Variants in EXOC4 observed in about 807,000 individuals in gnomAD.
EXOC4 encodes the protein SEC8-like 1.
Under a neutral mutation model 107.2 loss-of-function variants are expected in EXOC4, and 71 were observed. The ratio of observed to expected loss-of-function variants is 0.66; its 90% CI spans 0.55 to 0.81. The LOEUF (loss-of-function observed/expected upper bound fraction) is 0.81. EXOC4 is among the 30% of genes least tolerant of loss of function. EXOC4 has a pLI of 0.00. For synonymous variants in EXOC4, 456 were observed against 441.2 expected, an observed-to-expected ratio of 1.03 and a Z score of -0.42; for missense variants, 1,108 against 1,189.6, an observed-to-expected ratio of 0.93 and a Z score of 1.01.
At chr7:133,629,316 A>G (rs749849855) in intron 9 of EXOC4, among the ~76,000 whole-genome samples, 57 of 152,106 alleles carry the variant, frequency 3.7e-4, no homozygotes, top group Non-Finnish European at 6.6e-4. Context: ...CTCTGCTCCA[A>G]TCTTTACACA....
intron 10 of EXOC4, among the ~76,000 whole-genome samples, chr7:133,685,358 A>T (rs1371154604): frequency 2.0e-5 from 3 of 152,094 alleles, no homozygotes; most frequent in South Asian, 2.1e-4. Context: ...CTCGGCACTT[A>T]TCCTTCCTGA....
At chr7:133,650,946 T>G (rs1483558748) in intron 10 of EXOC4, among the ~76,000 whole-genome samples, 2 of 74,614 alleles carry the variant, frequency 2.7e-5, no homozygotes, top group African/African-American at 9.1e-5. Context: ...AGTTTTTTTT[T>G]TTTTTTTTTT....
At chr7:133,941,874 T>C (rs1800439718) in intron 14 of EXOC4, among the ~76,000 whole-genome samples, 1 of 140,150 alleles carries the variant, frequency 7.1e-6, no homozygotes, top group African/African-American at 2.6e-5. Flanking sequence ...CTACATGTTT[T>C]CCTGCATTCA....
the EXOC4 span, among the ~76,000 whole-genome samples, chr7:134,074,516 G>A: frequency 3.3e-5 from 5 of 152,232 alleles, no homozygotes; most frequent in African/African-American, 1.2e-4. Flanking sequence ...TCATAGAAAT[G>A]GATAGAACCT....
At chr7:133,903,416 G>A (rs149658697) in intron 12 of EXOC4, among the ~76,000 whole-genome samples, 2,226 of 152,342 alleles carry the variant, frequency 0.015, 201 homozygotes, top group Admixed American at 0.14. Context: ...GGTAGCAGCA[G>A]AGATGGAGGG....
chr7:134,011,572 C>T (rs190797109), intron 17 of EXOC4, among the ~76,000 whole-genome samples: 13 of 151,996 alleles, frequency 8.6e-5, no homozygotes, highest in Non-Finnish European at 1.5e-4. Context: ...AGCTACGATT[C>T]GGGAAGCGGT....
intron 5 of EXOC4, among the ~76,000 whole-genome samples, chr7:133,337,718 C>G (rs1337857038): frequency 7.0e-6 from 1 of 143,824 alleles, no homozygotes; most frequent in African/African-American, 2.6e-5. Flanking sequence ...ACTGCAGTCT[C>G]AACCTTCCAG....
rs557864253 is a variant in EXOC4, at chr7:133,253,082, C to A, written c.-20C>A. 2.5e-6 allele frequency: 4 copies of A among 1,612,316 alleles called. No individual in the cohort carries two copies. The highest frequency in any genetic ancestry group is 3.4e-6 in the Non-Finnish European group (4 of 1,178,536). ...CACCCTTGGCTTCCTTGGAGCCTAGCGGCTCTCCCCGCGTCCAAGATGGCG... is the reference window on the plus strand; with the variant it reads ...CACCCTTGGCTTCCTTGGAGCCTAGAGGCTCTCCCCGCGTCCAAGATGGCG... On this transcript the variant is annotated 5_prime_UTR_variant, in exon 1 of 18. Coordinates refer to ENST00000253861, the MANE Select transcript of EXOC4 (RefSeq NM_021807.4).
intron 10 of EXOC4, among the ~76,000 whole-genome samples, chr7:133,689,967 A>C (rs1794385877): frequency 6.6e-6 from 1 of 152,236 alleles, no homozygotes; most frequent in Non-Finnish European, 1.5e-5. Flanking sequence ...GGCTGTGGAA[A>C]ACAAAAACAG....
At chr7:133,595,865 AG>A (rs1801656905) in intron 9 of EXOC4, among the ~76,000 whole-genome samples, 1 of 152,188 alleles carries the variant, frequency 6.6e-6, no homozygotes, top group South Asian at 2.1e-4. Context: ...CTCAGATTCT[AG>A]TATCTCCGCC....
intron 14 of EXOC4, among the ~76,000 whole-genome samples, chr7:133,993,101 C>T (rs749731170): frequency 3.3e-5 from 5 of 152,072 alleles, no homozygotes; most frequent in Non-Finnish European, 5.9e-5. Flanking sequence ...GGATGAATCC[C>T]ACTTGATCAC....
At chr7:133,803,975 T>C (rs78522015) in intron 10 of EXOC4, among the ~76,000 whole-genome samples, 1 of 152,110 alleles carries the variant, frequency 6.6e-6, no homozygotes, top group African/African-American at 2.4e-5. Context: ...TAGTTCACTT[T>C]TGATGTGAAT....
chr7:134,077,519 G>C, the EXOC4 span, among the ~76,000 whole-genome samples: 1 of 152,218 alleles, frequency 6.6e-6, no homozygotes, highest in African/African-American at 2.4e-5. Context: ...TCAGGAGGAC[G>C]AGAGAGACCT....
intron 10 of EXOC4, among the ~76,000 whole-genome samples, chr7:133,779,615 T>C (rs1439745917): frequency 6.6e-6 from 1 of 152,184 alleles, no homozygotes; most frequent in Non-Finnish European, 1.5e-5. Context: ...AATGCACCAA[T>C]CAGTGCTCTG....
intron 10 of EXOC4, 97 bp downstream of exon 10, chr7:133,630,238 G>A (rs912849428): frequency 1.1e-6 from 1 of 883,840 alleles, no homozygotes; most frequent in African/African-American, 1.7e-5. Flanking sequence ...ACTGAAACAA[G>A]TCATAAAAGA....
intron 10 of EXOC4, among the ~76,000 whole-genome samples, chr7:133,746,181 C>A (rs1362739): frequency 0.48 from 72,272 of 151,798 alleles, 17,531 homozygotes; most frequent in South Asian, 0.62. Context: ...TTTATTTTAA[C>A]TTTTTGATGT....
intron 9 of EXOC4, among the ~76,000 whole-genome samples, chr7:133,606,513 TA>T (rs1022677314): frequency 4.2e-5 from 6 of 142,732 alleles, no homozygotes; most frequent in African/African-American, 1.4e-4. Flanking sequence ...TTATTATTAT[TA>T]TTATTTTTTT....
At chr7:133,848,331 T>G (rs1412983823) in intron 11 of EXOC4, among the ~76,000 whole-genome samples, 1 of 152,136 alleles carries the variant, frequency 6.6e-6, no homozygotes, top group Non-Finnish European at 1.5e-5. Context: ...AATGAGGTGA[T>G]GGGTATTATA....
At chr7:133,976,743 T>C (rs931047802) in intron 14 of EXOC4, among the ~76,000 whole-genome samples, 1 of 152,230 alleles carries the variant, frequency 6.6e-6, no homozygotes, top group Non-Finnish European at 1.5e-5. Flanking sequence ...CTTGCCACAG[T>C]CTCAAATACC....
Sources: gnomAD v4.1 joint callset for allele counts (sites outside exome capture counted in the v4.1 genomes callset) on GRCh38, gnomAD v4.1.1 for gene constraint, MANE v1.5 for transcripts, NCBI Gene and HGNC (gene_info 2026-07-23, HGNC 2026-07-21) for gene names.